CEMIP2: variants seen among roughly 807,000 people sequenced by gnomAD.
The protein encoded by CEMIP2 is cell surface hyaluronidase CEMIP2.
A neutral mutation model predicts 146.9 loss-of-function variants in CEMIP2; 79 were observed. The ratio of observed to expected loss-of-function variants is 0.54; its 90% CI spans 0.45 to 0.65. The LOEUF is 0.65. CEMIP2 is among the 30% of genes least tolerant of loss of function. CEMIP2 has a pLI of 0.00. For synonymous variants in CEMIP2, 601 were observed against 606.3 expected, an observed-to-expected ratio of 0.99 and a Z score of 0.13; for missense variants, 1,596 against 1,696.2, an observed-to-expected ratio of 0.94 and a Z score of 1.04.
At chr9:71,744,426 G>A (rs1178929688) in intron 4 of CEMIP2, among the ~76,000 whole-genome samples, 1 of 150,644 alleles carries the variant, frequency 6.6e-6, no homozygotes, top group Non-Finnish European at 1.5e-5. Context: ...TAGCAGAAAT[G>A]AATTCTACTA....
chr9:71,724,549 C>T (rs1823327610), intron 11 of CEMIP2, among the ~76,000 whole-genome samples: 1 of 152,170 alleles, frequency 6.6e-6, no homozygotes, highest in South Asian at 2.1e-4. Flanking sequence ...ATTCCTTGAA[C>T]TCTGGTGCGG....
At chr9:71,753,894 G>C (rs1407265168) in intron 1 of CEMIP2, among the ~76,000 whole-genome samples, 1 of 152,134 alleles carries the variant, frequency 6.6e-6, no homozygotes, top group Non-Finnish European at 1.5e-5. Flanking sequence ...GATTGTGGTA[G>C]GAACTATGGG....
intron 1 of CEMIP2, among the ~76,000 whole-genome samples, chr9:71,760,812 TAG>T (rs1228672879): frequency 2.6e-5 from 4 of 152,134 alleles, no homozygotes; most frequent in African/African-American, 9.7e-5. Context: ...TGCAGAGAGA[TAG>T]ATTGTTCTTC....
rs960087377 is a variant in CEMIP2 at position 71,730,166 on chromosome 9, G to A, written c.1861C>T (p.Leu621=). ...IEQRNTLFHN[L]GLLTKPGTLL... ...GTACCCGGCTTGGTGAGGAGTCCCA[G>A]ATTGTGGAACAAAGTATTCCTCTGT... Residue 621 remains leucine, a synonymous_variant, in exon 9 of 24, where the codon CTG becomes TTG. Coordinates refer to ENST00000377044, the MANE Select transcript of CEMIP2 (RefSeq NM_013390.3). 2 of 1,614,040 alleles carry A rather than the reference G, an allele frequency of 1.2e-6. No homozygotes were observed.
chr9:71,703,141 G>T (rs1180802830), intron 18 of CEMIP2, among the ~76,000 whole-genome samples: 2 of 152,198 alleles, frequency 1.3e-5, no homozygotes, highest in Non-Finnish European at 2.9e-5. Flanking sequence ...CTGCTCCACG[G>T]AGCCAGGCAA....
chr9:71,714,756 A>G (rs1009660482), intron 15 of CEMIP2, among the ~76,000 whole-genome samples, 178 bp downstream of exon 15: 9 of 152,202 alleles, frequency 5.9e-5, no homozygotes, highest in African/African-American at 2.2e-4. Flanking sequence ...TAATACACAT[A>G]ATAATTATAA....
chr9:71,698,136 C>T lies in CEMIP2; in HGVS notation c.3446G>A (p.Cys1149Tyr), dbSNP rs1192866511. 1.2e-6 allele frequency: 2 copies of T among 1,614,164 alleles called. No homozygotes were observed. Among genetic ancestry groups the T allele is most frequent in the South Asian group, 2.2e-5 (2 of 91,088 alleles). Residue 1149 changes from cysteine (C) to tyrosine (Y), a missense_variant, in exon 20 of 24, where the codon TGT becomes TAT. Physicochemically the swap from Cys to Tyr is radical, Grantham distance 194. Coordinates refer to ENST00000377044, the MANE Select transcript of CEMIP2 (RefSeq NM_013390.3). ...GGCTGCTTGGATCTTGACTCTTTCACATCCCTGAGATGAACAGTAACTGTG... is the reference window on the plus strand; with the variant it reads ...GGCTGCTTGGATCTTGACTCTTTCATATCCCTGAGATGAACAGTAACTGTG... The part of the protein sequence containing the change: ...HGHSYCSSQG[C>Y]ERVKIQAATD...
intron 5 of CEMIP2, among the ~76,000 whole-genome samples, chr9:71,736,762 A>G (rs1823771834): frequency 6.6e-6 from 1 of 152,208 alleles, no homozygotes; most frequent in Admixed American, 6.5e-5. Context: ...AATAGATGAG[A>G]ACTACTTCAT....
At chr9:71,706,810 C>A (rs1013961975) in intron 17 of CEMIP2, among the ~76,000 whole-genome samples, 1 of 150,984 alleles carries the variant, frequency 6.6e-6, no homozygotes, top group Non-Finnish European at 1.5e-5. Context: ...AGGCTAAAAG[C>A]TTATTATTTA....
intron 5 of CEMIP2, among the ~76,000 whole-genome samples, chr9:71,739,364 A>G: frequency 3.0e-5 from 1 of 33,186 alleles, no homozygotes. Flanking sequence ...TCTGTCTCAA[A>G]AAAAAAAAAA....
At chr9:71,760,107 G>A (rs1448394408) in intron 1 of CEMIP2, among the ~76,000 whole-genome samples, 1 of 151,088 alleles carries the variant, frequency 6.6e-6, no homozygotes, top group Non-Finnish European at 1.5e-5. Flanking sequence ...ATTTACTTTT[G>A]TATTAAGCTA....
intron 2 of CEMIP2, among the ~76,000 whole-genome samples, chr9:71,748,559 C>T (rs1824153837): frequency 6.6e-6 from 1 of 152,200 alleles, no homozygotes; most frequent in African/African-American, 2.4e-5. Flanking sequence ...GCTCTGATTT[C>T]CCACTGGTCT....
At chr9:71,709,998 C>T (rs540109728) in intron 16 of CEMIP2, among the ~76,000 whole-genome samples, 5 of 152,196 alleles carry the variant, frequency 3.3e-5, no homozygotes, top group African/African-American at 4.8e-5. Flanking sequence ...TGACTCCCCC[C>T]ACCAAAAAAA....
chr9:71,690,680 A>G (rs1025323270), intron 21 of CEMIP2, among the ~76,000 whole-genome samples: 22 of 152,216 alleles, frequency 1.4e-4, no homozygotes, highest in Admixed American at 1.3e-3. Context: ...ACATATAAAT[A>G]TGTATCATGC....
At chr9:71,694,803 G>A (rs1822346921) in intron 20 of CEMIP2, among the ~76,000 whole-genome samples, 196 bp from the exon 21 acceptor site, 1 of 152,112 alleles carries the variant, frequency 6.6e-6, no homozygotes, top group Non-Finnish European at 1.5e-5. Context: ...ATTTTCTGGA[G>A]CAATCCCAGT....
At chr9:71,729,238 CA>C (rs1438246280) in intron 10 of CEMIP2, among the ~76,000 whole-genome samples, 2 of 152,036 alleles carry the variant, frequency 1.3e-5, no homozygotes, top group African/African-American at 4.8e-5. Context: ...CTTAATACAC[CA>C]AAAATACACT....
intron 1 of CEMIP2, among the ~76,000 whole-genome samples, chr9:71,756,031 T>C (rs1304006976): frequency 6.7e-6 from 1 of 148,638 alleles, no homozygotes; most frequent in Non-Finnish European, 1.5e-5. Flanking sequence ...TATGTTTCAG[T>C]TAATTTATGT....
chr9:71,720,476 G>A (rs1823202568), intron 12 of CEMIP2, among the ~76,000 whole-genome samples: 1 of 152,122 alleles, frequency 6.6e-6, no homozygotes, highest in Non-Finnish European at 1.5e-5. Flanking sequence ...ATTTTTAGAA[G>A]AGATGGGGCT....
rs766568116 is a variant in CEMIP2, at chr9:71,725,672, G to A, written c.2087C>T (p.Thr696Ile). 2 of 1,613,932 alleles carry A rather than the reference G, an allele frequency of 1.2e-6. No homozygotes were observed. Among genetic ancestry groups the A allele is most frequent in the Admixed American group, 3.3e-5 (2 of 60,014 alleles). ...GIWYLFHKEPTGESSGLQLLA... is the reference protein window; with the variant it reads ...GIWYLFHKEPIGESSGLQLLA... ...GAGCTGCAATCCACTGGATTCCCCA[G>A]TTGGTTCCTTGTGGAATAAATACCA... Residue 696 changes from threonine (T) to isoleucine (I), a missense_variant, in exon 11 of 24, where the codon ACT becomes ATT. Thr to Ile is a moderately conservative substitution (Grantham distance 89). Transcript: ENST00000377044.
Sources: allele counts gnomAD v4.1 joint callset (sites outside exome capture counted in the v4.1 genomes callset), GRCh38; gene constraint gnomAD v4.1.1; transcripts MANE v1.5; gene names NCBI Gene and HGNC (gene_info 2026-07-23, HGNC 2026-07-21).